The following CRB1 variants were observed in gnomAD, a reference collection of about 807,000 sequenced individuals.
CRB1 encodes protein crumbs homolog 1.
CRB1 carries 83 observed loss-of-function variants against 120.0 expected under a neutral mutation model. That is an observed-to-expected ratio of 0.69 (90% CI 0.58 to 0.83). The LOEUF is 0.83. Among genes scored for constraint, CRB1 ranks in the 40% least tolerant of loss-of-function variants. The probability of loss-of-function intolerance (pLI) is 0.00; values close to 1 mark genes in which losing one functional copy is unlikely to be tolerated. For missense variants in CRB1, 1,699 were observed against 1,687.6 expected (o/e 1.01, Z -0.12); for synonymous variants, 625 against 612.5 (o/e 1.02, Z -0.30).
the CRB1 span, among the ~76,000 whole-genome samples, chr1:197,214,623 A>G: frequency 1.3e-5 from 2 of 152,272 alleles, no homozygotes; most frequent in South Asian, 4.1e-4. Context: ...TCAAAACTGA[A>G]TCATGTAAAA....
In CRB1 at chr1:197,421,798, A is replaced by T; in HGVS notation, c.1970A>T (p.Asn657Ile). 1 of 1,614,238 alleles carries T rather than the reference A, an allele frequency of 6.2e-7. No homozygotes were observed. Among genetic ancestry groups the T allele is most frequent in the South Asian group, 1.1e-5 (1 of 91,086 alleles). The change falls in exon 6 of 12, where the codon AAC becomes ATC. Residue 657 changes from asparagine to isoleucine, a missense_variant. Transcript: ENST00000367400. Reference protein sequence around the residue: ...KIDWNHITLENISSGSSLNVK... With the variant: ...KIDWNHITLEIISSGSSLNVK... Reference sequence around the variant, plus strand: ...GATTGGAATCACATTACCCTGGAGAACATCTCGTCTGGCTCATCATTAAAT... The same window carrying T: ...GATTGGAATCACATTACCCTGGAGATCATCTCGTCTGGCTCATCATTAAAT...
At chr1:197,342,907 T>C (rs1659553334) in intron 2 of CRB1, among the ~76,000 whole-genome samples, 2 of 152,176 alleles carry the variant, frequency 1.3e-5, no homozygotes, top group South Asian at 4.1e-4. Context: ...TTCCATGACC[T>C]TAGTTATGCC....
chr1:197,210,495 A>G, the CRB1 span, among the ~76,000 whole-genome samples: 3 of 152,014 alleles, frequency 2.0e-5, no homozygotes, highest in African/African-American at 7.2e-5. Flanking sequence ...CTGAAACATC[A>G]TCTCTTACCA....
At chr1:197,243,305 A>G in the CRB1 span, among the ~76,000 whole-genome samples, 6 of 151,958 alleles carry the variant, frequency 3.9e-5, no homozygotes, top group South Asian at 2.1e-4. Context: ...GCTTTCTCCT[A>G]TGGGCATTTA....
chr1:197,340,294 A>T (rs573277171), intron 2 of CRB1, among the ~76,000 whole-genome samples: 1 of 152,254 alleles, frequency 6.6e-6, no homozygotes, highest in East Asian at 1.9e-4. Flanking sequence ...GGAAATACCT[A>T]TATGCAGCCT....
chr1:197,450,784 CAAAAAAAAAAA>C lies in CRB1; in HGVS notation c.4005+8508_4005+8518del, dbSNP rs71131758. On this transcript the variant is annotated intron_variant, in intron 11 of 11. Coordinates refer to ENST00000367400, the MANE Select transcript of CRB1 (RefSeq NM_201253.3). ...TGAAACCCCGTCTCTACTAAAAATA[CAAAAAAAAAAA>C]AAAAAAAAAAAAAAATTAGCTGGGC... 2.9e-4 allele frequency among the ~76,000 whole-genome samples: 17 copies of C among 59,614 alleles called. No individual in the cohort carries two copies. The Middle Eastern group carries it at 0.061, about 213-fold the overall frequency. 39.1% of individuals were successfully genotyped at this position (59,614 alleles called of 152,430 possible).
At position 197,420,863 on chromosome 1, in the gene CRB1, T is replaced by G. The variant is rs984942530; in HGVS notation, c.1172-137T>G. ...ATTGATTTTACTTTTCCTTATTAAGTGTTTACATTTTACTCCATTACAGTC... is the reference window on the plus strand; with the variant it reads ...ATTGATTTTACTTTTCCTTATTAAGGGTTTACATTTTACTCCATTACAGTC... On this transcript the variant is annotated intron_variant, in intron 5 of 11. Transcript: ENST00000367400. The G allele has an allele frequency of 8.8e-6, 6 of 679,464 alleles. No homozygotes were observed. The African/African-American group carries it at 9.0e-5, about 10-fold the overall frequency. The allele number at this position is 679,464 out of a possible 1,614,324, so 42.1% of individuals were successfully genotyped here.
intron 9 of CRB1, 49 bp downstream of exon 9, chr1:197,435,661 A>G (rs779056552): frequency 1.0e-5 from 15 of 1,495,282 alleles, no homozygotes; most frequent in Non-Finnish European, 1.3e-5. Context: ...TATACTCTGC[A>G]TCACTGTTCT....
intron 5 of CRB1, among the ~76,000 whole-genome samples, chr1:197,418,688 A>G (rs1046764060): frequency 6.6e-6 from 1 of 152,212 alleles, no homozygotes; most frequent in Non-Finnish European, 1.5e-5. Flanking sequence ...GATTAAATGC[A>G]TTATATAAAT....
At position 197,359,558 on chromosome 1, in the gene CRB1, T is replaced by G. The variant is rs1401398052; in HGVS notation, c.1171+2545T>G. ...CCGCTGAATAAAGCTGCTAGAAACA[T>G]TGTTGTACAGGCTTTTGTGTGAATA... On this transcript the variant is annotated intron_variant, in intron 5 of 11. Transcript: ENST00000367400. 2.0e-5 allele frequency among the ~76,000 whole-genome samples: 3 copies of G among 152,196 alleles called. No individual in the cohort carries two copies. In the South Asian group the frequency reaches 6.2e-4, roughly 31 times the overall value.
At chr1:197,261,653 AGAG>A in the CRB1 span, among the ~76,000 whole-genome samples, 1 of 152,202 alleles carries the variant, frequency 6.6e-6, no homozygotes, top group Non-Finnish European at 1.5e-5. Flanking sequence ...TTACTTCTGG[AGAG>A]GAGTGTGGGA....
At chr1:197,244,272 A>T in the CRB1 span, among the ~76,000 whole-genome samples, 1 of 152,056 alleles carries the variant, frequency 6.6e-6, no homozygotes, top group Non-Finnish European at 1.5e-5. Flanking sequence ...CAAAGTATGG[A>T]TGGTCTTTAC....
chr1:197,267,890 CA>C (rs1295912643), upstream of CRB1, among the ~76,000 whole-genome samples: 1 of 152,114 alleles, frequency 6.6e-6, no homozygotes, highest in Admixed American at 6.6e-5. Flanking sequence ...AACTTACAAA[CA>C]GCAGAAATCT....
upstream of CRB1, among the ~76,000 whole-genome samples, chr1:197,266,905 G>T (rs906285017): frequency 1.3e-5 from 2 of 151,980 alleles, no homozygotes; most frequent in Non-Finnish European, 2.9e-5. Context: ...GGGGTTCATG[G>T]TGGAGGCCTT....
chr1:197,393,621 G>A (rs911017689), intron 5 of CRB1, among the ~76,000 whole-genome samples: 2 of 151,958 alleles, frequency 1.3e-5, no homozygotes, highest in Non-Finnish European at 1.5e-5. Flanking sequence ...TAAATGATTT[G>A]AATGACCAAA....
the CRB1 span, among the ~76,000 whole-genome samples, chr1:197,253,649 AAAT>A: frequency 6.6e-6 from 1 of 152,156 alleles, no homozygotes; most frequent in African/African-American, 2.4e-5. Context: ...AAGATTTAAA[AAAT>A]ACAGATTATT....
rs1198946827 is a variant in CRB1 at position 197,477,879 on chromosome 1, G to A, written c.4221G>A (p.Ter1407=). 1.2e-6 allele frequency: 2 copies of A among 1,613,506 alleles called. No individual in the cohort carries two copies. The highest frequency in any genetic ancestry group is 1.7e-6 in the Non-Finnish European group (2 of 1,179,672). Residue 1407 remains the stop codon, a stop_retained_variant, in exon 12 of 12, where the codon TAG becomes TAA. Transcript: ENST00000367400. ...MPPPAMERLI[*] is the part of the protein sequence containing the mutation. Reference sequence around the variant, plus strand: ...CCCCTGCAATGGAGAGACTGATTTAGGAGCATTGTGTCCCTTCGAGATGGG... The same window carrying A: ...CCCCTGCAATGGAGAGACTGATTTAAGAGCATTGTGTCCCTTCGAGATGGG...
At chr1:197,255,787 C>A in the CRB1 span, among the ~76,000 whole-genome samples, 1 of 151,562 alleles carries the variant, frequency 6.6e-6, no homozygotes, top group Admixed American at 6.6e-5. Context: ...TCTAATACTT[C>A]ATGAGTATCT....
intron 1 of CRB1, among the ~76,000 whole-genome samples, chr1:197,288,955 A>G (rs1655999619): frequency 6.7e-6 from 1 of 148,988 alleles, no homozygotes; most frequent in African/African-American, 2.5e-5. Flanking sequence ...AAGGATGAAA[A>G]CTATGAATAC....
Sources: allele counts gnomAD v4.1 joint callset (sites outside exome capture counted in the v4.1 genomes callset), GRCh38; gene constraint gnomAD v4.1.1; transcripts MANE v1.5; gene names NCBI Gene and HGNC (gene_info 2026-07-23, HGNC 2026-07-21).